The following GALNT2 variants were observed in gnomAD, a reference collection of about 807,000 sequenced individuals.
The protein encoded by GALNT2 is polypeptide N-acetylgalactosaminyltransferase 2.
A neutral mutation model predicts 81.4 loss-of-function variants in GALNT2; 31 were observed. The observed-to-expected ratio is 0.38, with a 90% CI of 0.29 to 0.51. The LOEUF (loss-of-function observed/expected upper bound fraction) is 0.51. GALNT2 is among the 20% of genes least tolerant of loss of function. The pLI, the probability that GALNT2 is intolerant of heterozygous loss-of-function variation, is 0.87. For missense variants in GALNT2, 629 were observed against 765.7 expected (o/e 0.82, Z 2.11); for synonymous variants, 303 against 287.4 (o/e 1.05, Z -0.55).
At position 230,280,571 on chromosome 1, in the gene GALNT2, G is replaced by C. The variant is rs891291769; in HGVS notation, c.*1113G>C. 6.5e-6 allele frequency: 1 copy of C among 154,446 alleles called. No individual in the cohort carries two copies. The highest frequency in any genetic ancestry group is 2.4e-5 in the African/African-American group (1 of 41,456). The allele number at this position is 154,446 out of a possible 1,614,324, so 9.6% of individuals were successfully genotyped here. A position where few individuals can be genotyped will look rare whatever the true frequency, so the allele number is the denominator to read the frequency against. ...TTGGCTTCATTGTGATCTGAGCCCT[G>C]CACGCTGGGCCTTCAGAATTAATGG... On this transcript the variant is annotated 3_prime_UTR_variant, in exon 16 of 16. Coordinates refer to ENST00000366672, the MANE Select transcript of GALNT2 (RefSeq NM_004481.5).
intron 1 of GALNT2, among the ~76,000 whole-genome samples, chr1:230,096,846 C>T (rs932436785): frequency 1.2e-4 from 18 of 152,302 alleles, no homozygotes; most frequent in African/African-American, 4.3e-4. Context: ...CCAACCCAGC[C>T]TCTCATTCAG....
intron 1 of GALNT2, among the ~76,000 whole-genome samples, chr1:230,167,960 T>TC (rs750571034): frequency 1.0e-4 from 8 of 76,230 alleles, no homozygotes; most frequent in African/African-American, 2.4e-4. Flanking sequence ...TTTTCTAAAA[T>TC]ACCCCCCCCT....
At chr1:230,068,255 C>G (rs1659264843) in intron 1 of GALNT2, among the ~76,000 whole-genome samples, 1 of 152,238 alleles carries the variant, frequency 6.6e-6, no homozygotes, top group Admixed American at 6.5e-5. Context: ...CTCGTGCCGC[C>G]GCTCCGGACG....
intron 1 of GALNT2, among the ~76,000 whole-genome samples, chr1:230,173,092 A>T (rs574153624): frequency 6.6e-6 from 1 of 152,232 alleles, no homozygotes; most frequent in Non-Finnish European, 1.5e-5. Flanking sequence ...ACCAGATTAA[A>T]ATGTCTAATA....
intron 1 of GALNT2, among the ~76,000 whole-genome samples, chr1:230,134,815 A>G (rs892961915): frequency 2.2e-4 from 33 of 152,320 alleles, no homozygotes; most frequent in African/African-American, 7.7e-4. Context: ...GCACTTCAGT[A>G]TTGGATTCCT....
intron 14 of GALNT2, among the ~76,000 whole-genome samples, chr1:230,272,720 T>C (rs1393281216): frequency 1.3e-5 from 2 of 152,052 alleles, no homozygotes; most frequent in Non-Finnish European, 2.9e-5. Flanking sequence ...TTGTATAAGG[T>C]CTGAATGCTA....
intron 3 of GALNT2, among the ~76,000 whole-genome samples, chr1:230,230,452 A>G (rs952369260): frequency 6.6e-6 from 1 of 152,176 alleles, no homozygotes; most frequent in Non-Finnish European, 1.5e-5. Context: ...GCCTGCTCAT[A>G]GACACGCAGT....
intron 3 of GALNT2, among the ~76,000 whole-genome samples, chr1:230,206,055 G>A (rs182882033): frequency 6.6e-6 from 1 of 152,180 alleles, no homozygotes; most frequent in East Asian, 1.9e-4. Flanking sequence ...GACTTCAGTC[G>A]ACTGCTTGGC....
At chr1:230,109,987 C>G (rs1322037143) in intron 1 of GALNT2, among the ~76,000 whole-genome samples, 1 of 152,196 alleles carries the variant, frequency 6.6e-6, no homozygotes, top group Non-Finnish European at 1.5e-5. Flanking sequence ...TCACGCAGAT[C>G]AGAGATGTGA....
intron 1 of GALNT2, among the ~76,000 whole-genome samples, chr1:230,138,532 A>AAG (rs1661625769): frequency 6.6e-6 from 1 of 150,438 alleles, no homozygotes; most frequent in Non-Finnish European, 1.5e-5. Context: ...CTCAAAAAAA[A>AAG]AAAAAAAAAA....
chr1:230,058,137 G>A (rs765824148), intron 1 of GALNT2: 19 of 455,788 alleles, frequency 4.2e-5, no homozygotes, highest in African/African-American at 6.0e-5. Context: ...CTATGGGGGC[G>A]TCTTTAACCA....
At chr1:230,132,003 C>T (rs1661383107) in intron 1 of GALNT2, among the ~76,000 whole-genome samples, 1 of 152,160 alleles carries the variant, frequency 6.6e-6, no homozygotes, top group African/African-American at 2.4e-5. Context: ...GCTCTTGTTA[C>T]CCAATAAATA....
intron 2 of GALNT2, among the ~76,000 whole-genome samples, chr1:230,188,948 A>T (rs2102694765): frequency 6.6e-6 from 1 of 152,102 alleles, no homozygotes; most frequent in Non-Finnish European, 1.5e-5. Flanking sequence ...CCAGCCAGCC[A>T]GCTGGCAGAA....
intron 1 of GALNT2, among the ~76,000 whole-genome samples, chr1:230,176,991 G>A (rs1663001063): frequency 6.6e-6 from 1 of 152,224 alleles, no homozygotes; most frequent in South Asian, 2.1e-4. Context: ...CAGCCCTGAT[G>A]TGATAAACCC....
chr1:230,178,142 T>G (rs1466795292), intron 1 of GALNT2, 76 bp from the exon 2 acceptor site: 1 of 1,165,630 alleles, frequency 8.6e-7, no homozygotes, highest in Admixed American at 1.9e-5. Flanking sequence ...CTCCTAAGAC[T>G]CGGTATGTAT....
intron 7 of GALNT2, among the ~76,000 whole-genome samples, chr1:230,245,454 A>G (rs1665336508): frequency 6.6e-6 from 1 of 151,776 alleles, no homozygotes. Context: ...ACAAGAGTGA[A>G]ACTCCGTCTC....
At chr1:230,123,666 A>T (rs192067507) in intron 1 of GALNT2, among the ~76,000 whole-genome samples, 1 of 152,306 alleles carries the variant, frequency 6.6e-6, no homozygotes, top group Non-Finnish European at 1.5e-5. Flanking sequence ...TTCATTTCTT[A>T]AGTCTTTTTT....
chr1:230,242,845 G>T (rs1302433315), intron 6 of GALNT2, among the ~76,000 whole-genome samples: 3 of 152,138 alleles, frequency 2.0e-5, no homozygotes, highest in African/African-American at 7.2e-5. Context: ...ATGTTATTTA[G>T]CTCCTGATAA....
chr1:230,141,671 T>TTGTTG (rs1341240920), intron 1 of GALNT2, among the ~76,000 whole-genome samples: 1 of 152,208 alleles, frequency 6.6e-6, no homozygotes, highest in Non-Finnish European at 1.5e-5. Context: ...AGGCCACATT[T>TTGTTG]TGTTGATCTA....
Sources: gnomAD v4.1 joint callset for allele counts (sites outside exome capture counted in the v4.1 genomes callset) on GRCh38, gnomAD v4.1.1 for gene constraint, MANE v1.5 for transcripts, NCBI Gene and HGNC (gene_info 2026-07-23, HGNC 2026-07-21) for gene names.